HEG1: variants seen among roughly 807,000 people sequenced by gnomAD.
HEG1 encodes heart development protein with EGF like domains 1.
Under a neutral mutation model 125.6 loss-of-function variants are expected in HEG1, and 56 were observed. That is an observed-to-expected ratio of 0.45 (90% CI 0.36 to 0.56). The LOEUF is 0.56. HEG1 is among the 20% of genes least tolerant of loss of function. The probability of loss-of-function intolerance (pLI) is 0.00; values close to 1 mark genes in which losing one functional copy is unlikely to be tolerated. For synonymous variants in HEG1, 644 were observed against 668.5 expected, an observed-to-expected ratio of 0.96 and a Z score of 0.57; for missense variants, 1,523 against 1,670.0, an observed-to-expected ratio of 0.91 and a Z score of 1.53.
At chr3:124,998,476 T>G (rs1936956956) in intron 11 of HEG1, among the ~76,000 whole-genome samples, 1 of 152,144 alleles carries the variant, frequency 6.6e-6, no homozygotes, top group Non-Finnish European at 1.5e-5. Context: ...ACTCCACTGA[T>G]GGGTTCTTGA....
rs2107717311 is a variant in HEG1, at chr3:125,055,764, T to C, written c.127A>G (p.Ser43Gly). 3 of 1,003,060 alleles carry C rather than the reference T, an allele frequency of 3.0e-6. No individual in the cohort carries two copies. The highest frequency in any genetic ancestry group is 3.6e-6 in the Non-Finnish European group (3 of 843,350). The allele number at this position is 1,003,060 out of a possible 1,614,324, so 62.1% of individuals were successfully genotyped here. The change falls in exon 1 of 17, where the codon AGC (serine) becomes GGC (glycine). Residue 43 changes from serine to glycine, a missense_variant. Physicochemically the swap from Ser to Gly is moderately conservative, Grantham distance 56. Transcript: ENST00000311127. ...PPPSPARRALSLAPLAGAGLE... is the reference protein window; with the variant it reads ...PPPSPARRALGLAPLAGAGLE... ...CCCGCTCCCGCGAGGGGCGCCAGGC[T>C]CAGCGCGCGGCGAGCCGGGGAAGGC... is the stretch of plus-strand genomic sequence containing the variant.
At chr3:125,018,036 A>T (rs1461747083) in intron 5 of HEG1, among the ~76,000 whole-genome samples, 10 of 152,104 alleles carry the variant, frequency 6.6e-5, no homozygotes, top group Non-Finnish European at 1.3e-4. Context: ...CTCAAAAAAA[A>T]AAAAATAAAT....
chr3:125,031,220 C>CACCCA, intron 1 of HEG1, among the ~76,000 whole-genome samples: 1 of 152,300 alleles, frequency 6.6e-6, no homozygotes, highest in East Asian at 1.9e-4. Flanking sequence ...GAAAAGTCTG[C>CACCCA]ACCCAACCTG....
intron 11 of HEG1, among the ~76,000 whole-genome samples, chr3:124,999,783 C>A (rs1402760799): frequency 6.6e-6 from 1 of 152,238 alleles, no homozygotes; most frequent in African/African-American, 2.4e-5. Flanking sequence ...TTCCCATGGT[C>A]TTTCCTGGGC....
intron 1 of HEG1, among the ~76,000 whole-genome samples, chr3:125,044,746 C>T (rs955416864): frequency 9.9e-5 from 15 of 152,124 alleles, no homozygotes; most frequent in African/African-American, 3.1e-4. Context: ...TAAGACTGAG[C>T]GCTCCAGAGA....
At chr3:125,032,625 C>T (rs562573453) in intron 1 of HEG1, among the ~76,000 whole-genome samples, 1 of 152,350 alleles carries the variant, frequency 6.6e-6, no homozygotes, top group Admixed American at 6.5e-5. Flanking sequence ...GCTGCGAAGG[C>T]AAGCTGGTCT....
In HEG1 at chr3:125,020,931, T is replaced by C. The variant is rs1937325599; in HGVS notation, c.1113A>G (p.Ser371=). 1.2e-5 allele frequency: 20 copies of C among 1,613,892 alleles called. No individual in the cohort carries two copies. In the East Asian group the frequency reaches 4.5e-4, roughly 36 times the overall value. Residue 371 remains serine (S), a synonymous_variant, in exon 4 of 17, where the codon TCA becomes TCG. Coordinates refer to ENST00000311127, the MANE Select transcript of HEG1 (RefSeq NM_020733.2). ...CCACTGCAGAGGGTGAAAGAAGGACTGAGGATGAAGTCGTGGCAATTCTGG... is the reference window on the plus strand; with the variant it reads ...CCACTGCAGAGGGTGAAAGAAGGACCGAGGATGAAGTCGTGGCAATTCTGG... ...KDSRIATTSS[S]VLLSPSAVES...
At chr3:125,036,716 T>C (rs142587521) in intron 1 of HEG1, among the ~76,000 whole-genome samples, 65 of 152,334 alleles carry the variant, frequency 4.3e-4, no homozygotes, top group Admixed American at 2.6e-4. Flanking sequence ...GAAAGCATTG[T>C]TGAAAAGCAT....
chr3:125,033,876 G>A (rs1356831901), intron 1 of HEG1, among the ~76,000 whole-genome samples: 1 of 152,182 alleles, frequency 6.6e-6, no homozygotes, highest in Non-Finnish European at 1.5e-5. Context: ...CTGCGCATGT[G>A]CGAAAGATCT....
chr3:125,053,989 G>C (rs1937872675), intron 1 of HEG1, among the ~76,000 whole-genome samples: 1 of 152,246 alleles, frequency 6.6e-6, no homozygotes, highest in South Asian at 2.1e-4. Context: ...CAAGATGGAG[G>C]CCATTCAGCT....
At chr3:125,047,095 A>G (rs2107713984) in intron 1 of HEG1, among the ~76,000 whole-genome samples, 1 of 152,354 alleles carries the variant, frequency 6.6e-6, no homozygotes, top group Middle Eastern at 3.4e-3. Context: ...GAAGCAAGAG[A>G]GAGTTCTAGG....
intron 16 of HEG1, chr3:124,971,030 C>A: frequency 1.6e-6 from 1 of 610,440 alleles, no homozygotes; most frequent in Non-Finnish European, 3.0e-6. Flanking sequence ...CTGATGCAAA[C>A]GGAGGAACTG....
intron 4 of HEG1, among the ~76,000 whole-genome samples, chr3:125,020,294 C>T (rs1478821346): frequency 6.6e-6 from 1 of 152,120 alleles, no homozygotes; most frequent in Non-Finnish European, 1.5e-5. Flanking sequence ...GATGGAGTGG[C>T]ATGCACCTGT....
Position 125,010,535 on chromosome 3 carries a change from G to A in HEG1, c.2977C>T (p.Pro993Ser). ...SASVNSCAVN[P>S]CLHNGECVAD... ...ACGCATTCGCCATTGTGAAGACAAG[G>A]GTTCACAGCACAGCTGTTGACTACA... The change falls in exon 7 of 17, where the codon CCT (proline) becomes TCT (serine). Residue 993 changes from proline to serine, a missense_variant. Physicochemically the swap from Pro to Ser is moderately conservative, Grantham distance 74. Coordinates refer to ENST00000311127, the MANE Select transcript of HEG1 (RefSeq NM_020733.2). 1 of 1,557,202 alleles carries A rather than the reference G, an allele frequency of 6.4e-7. No individual in the cohort carries two copies. Among genetic ancestry groups the A allele is most frequent in the Non-Finnish European group, 8.7e-7 (1 of 1,149,722 alleles).
chr3:124,985,950 G>C (rs1019741005), intron 14 of HEG1, among the ~76,000 whole-genome samples: 1 of 152,126 alleles, frequency 6.6e-6, no homozygotes, highest in African/African-American at 2.4e-5. Context: ...GCTAATTTTC[G>C]TATTTTTAGT....
intron 5 of HEG1, chr3:125,014,858 G>A (rs1362348232): frequency 7.8e-7 from 1 of 1,289,906 alleles, no homozygotes; most frequent in Admixed American, 2.3e-5. Flanking sequence ...TCATGCTGGT[G>A]TTGGTGAGGG....
intron 1 of HEG1, among the ~76,000 whole-genome samples, chr3:125,040,289 T>G (rs367907518): frequency 3.9e-5 from 6 of 152,080 alleles, no homozygotes; most frequent in African/African-American, 1.4e-4. Flanking sequence ...CCGGGAAAAC[T>G]TGAATGTAGA....
chr3:125,019,414 C>G lies in HEG1; in HGVS notation c.1436G>C (p.Gly479Ala). 6.2e-7 allele frequency: 1 copy of G among 1,614,034 alleles called. No homozygotes were observed. The highest frequency in any genetic ancestry group is 8.5e-7 in the Non-Finnish European group (1 of 1,179,888). ...VTGSSASYPE[G>A]VNASVLTQFS... ...CTGGGTCAACACTGAAGCATTCACACCTTCAGGATATGAAGCAGAGCTTCC... is the reference window on the plus strand; with the variant it reads ...CTGGGTCAACACTGAAGCATTCACAGCTTCAGGATATGAAGCAGAGCTTCC... The change falls in exon 5 of 17, where the codon GGT becomes GCT. Residue 479 changes from glycine (G) to alanine (A), a missense_variant. Physicochemically the swap from Gly to Ala is moderately conservative, Grantham distance 60. Coordinates refer to ENST00000311127, the MANE Select transcript of HEG1 (RefSeq NM_020733.2).
At position 125,024,759 on chromosome 3, in the gene HEG1, G is replaced by A. The variant is rs114339129; in HGVS notation, c.913+2446C>T. Among the ~76,000 whole-genome samples, 1,203 of 152,256 alleles carry A rather than the reference G, an allele frequency of 7.9e-3. 14 individuals are homozygous for A. The highest frequency in any genetic ancestry group is 0.028 in the African/African-American group (1,143 of 41,534). ...TGTGTAGCTGAGTGAAGAGTGAAACGAGGCACAGAATACAAAGGCTGAATA... is the reference window on the plus strand; with the variant it reads ...TGTGTAGCTGAGTGAAGAGTGAAACAAGGCACAGAATACAAAGGCTGAATA... On this transcript the variant is annotated intron_variant, in intron 3 of 16. Coordinates refer to ENST00000311127, the MANE Select transcript of HEG1 (RefSeq NM_020733.2).
Sources: gnomAD v4.1 joint callset for allele counts (sites outside exome capture counted in the v4.1 genomes callset) on GRCh38, gnomAD v4.1.1 for gene constraint, MANE v1.5 for transcripts, NCBI Gene and HGNC (gene_info 2026-07-23, HGNC 2026-07-21) for gene names.